The following GPR89A variants were observed in gnomAD, a reference collection of about 807,000 sequenced individuals.
GPR89A encodes golgi pH regulator A.
GPR89A carries 16 observed loss-of-function variants against 52.0 expected under a neutral mutation model. The observed-to-expected ratio is 0.31, with a 90% confidence interval of 0.21 to 0.47. The LOEUF is 0.47. GPR89A is among the 20% of genes least tolerant of loss of function. The pLI, the probability that GPR89A is intolerant of heterozygous loss-of-function variation, is 1.00. For missense variants in GPR89A, 135 were observed against 449.4 expected (o/e 0.30, Z 6.33); for synonymous variants, 55 against 150.9 (o/e 0.36, Z 4.66).
At chr1:145,635,678 T>G (rs1650185749) in intron 7 of GPR89A, among the ~76,000 whole-genome samples, 2 of 152,182 alleles carry the variant, frequency 1.3e-5, no homozygotes, top group Admixed American at 1.3e-4. Flanking sequence ...TATAAAGAAA[T>G]GAATATATAA....
At chr1:145,659,960 G>A (rs1475072363) in intron 10 of GPR89A, among the ~76,000 whole-genome samples, 1 of 151,362 alleles carries the variant, frequency 6.6e-6, no homozygotes, top group Non-Finnish European at 1.5e-5. Flanking sequence ...GCAGTGTTTT[G>A]TAGTTCTCCT....
chr1:145,640,984 A>G (rs1432479558), intron 7 of GPR89A, among the ~76,000 whole-genome samples: 2 of 151,664 alleles, frequency 1.3e-5, no homozygotes, highest in African/African-American at 4.9e-5. Flanking sequence ...CTATCAGAAT[A>G]GCTAAAATAA....
intron 2 of GPR89A, among the ~76,000 whole-genome samples, chr1:145,617,171 A>G (rs1184550989): frequency 8.5e-5 from 13 of 152,118 alleles, no homozygotes; most frequent in African/African-American, 2.9e-4. Flanking sequence ...GCGGCCATTC[A>G]TAGACCTCTC....
chr1:145,661,058 A>G lies in GPR89A; in HGVS notation c.910-2271A>G, dbSNP rs1166022612. On this transcript the variant is annotated intron_variant, in intron 10 of 13. Coordinates refer to ENST00000313835, the MANE Select transcript of GPR89A (RefSeq NM_001097612.2). Reference sequence around the variant, plus strand: ...ATAGCAAAGACTTGGAACCAACCCAAATGTCCAACAATGATAGACTGGATT... The same window carrying G: ...ATAGCAAAGACTTGGAACCAACCCAGATGTCCAACAATGATAGACTGGATT... Among the ~76,000 whole-genome samples, 7 of 151,768 alleles carry G rather than the reference A, an allele frequency of 4.6e-5. 1 individual carries two copies. The South Asian group carries it at 1.0e-3, about 23-fold the overall frequency.
rs1652918397 is a variant in GPR89A, at chr1:145,670,450, T to C, written c.*410T>C. On this transcript the variant is annotated 3_prime_UTR_variant, in exon 14 of 14. Coordinates refer to ENST00000313835, the MANE Select transcript of GPR89A (RefSeq NM_001097612.2). ...TTGCCTTGAGATTGACTCATTAAAA[T>C]CAGAGACTGTAACACTTTTGCCTTA... The C allele has an allele frequency of 3.2e-6, 1 of 314,836 alleles. No individual in the cohort carries two copies. The highest frequency in any genetic ancestry group is 4.8e-5 in the Admixed American group (1 of 21,040). 19.5% of individuals were successfully genotyped at this position (314,836 alleles called of 1,614,324 possible).
In GPR89A at chr1:145,633,775, C is replaced by T. The variant is rs587670498; in HGVS notation, c.617+2031C>T. On this transcript the variant is annotated intron_variant, in intron 7 of 13. Coordinates refer to ENST00000313835, the MANE Select transcript of GPR89A (RefSeq NM_001097612.2). The stretch of plus-strand genomic sequence containing the variant: ...TTTTTTCTATTTCTATGAAAAATGA[C>T]GTTGGAATTTTGATAGGAATTACAT... Among the ~76,000 whole-genome samples, 12 of 140,148 alleles carry T rather than the reference C, an allele frequency of 8.6e-5. 1 individual carries two copies. The highest frequency in any genetic ancestry group is 4.7e-4 in the South Asian group (2 of 4,276). The allele number at this position is 140,148 out of a possible 152,430, so 91.9% of individuals were successfully genotyped here.
intron 7 of GPR89A, 147 bp from the exon 8 acceptor site, chr1:145,643,722 G>C (rs1224872114): frequency 7.2e-6 from 1 of 139,096 alleles, no homozygotes; most frequent in African/African-American, 2.7e-5. Context: ...TCAGTTGTAA[G>C]TAGTAGAAAA....
Position 145,643,943 on chromosome 1 carries a change from TAA to T in GPR89A, c.696_697del (p.Ser233CysfsTer9), listed in dbSNP as rs782271108. 258 of 342,772 alleles carry T rather than the reference TAA, an allele frequency of 7.5e-4. No homozygotes were observed. The highest frequency in any genetic ancestry group is 1.2e-3 in the Non-Finnish European group (239 of 206,356). The allele number at this position is 342,772 out of a possible 1,614,324, so 21.2% of individuals were successfully genotyped here. Reference sequence around the variant, plus strand: ...AAACCATCAGGTTTCTGGGGAATGATAAAAAGTGTTACCACTTCAGCATCAGG... The same window carrying T: ...AAACCATCAGGTTTCTGGGGAATGATAAAGTGTTACCACTTCAGCATCAGG... On this transcript the variant is annotated frameshift_variant, in exon 8 of 14. Transcript: ENST00000313835. LOFTEE classifies it high-confidence loss of function.
At chr1:145,636,448 C>G (rs1249322832) in intron 7 of GPR89A, among the ~76,000 whole-genome samples, 1 of 149,114 alleles carries the variant, frequency 6.7e-6, no homozygotes, top group Non-Finnish European at 1.5e-5. Context: ...AGATGACATA[C>G]AAGAAAAGTA....
chr1:145,628,583 T>G (rs1553689322), intron 5 of GPR89A, among the ~76,000 whole-genome samples: 1 of 151,850 alleles, frequency 6.6e-6, no homozygotes, highest in East Asian at 1.9e-4. Context: ...CCTCCATTTC[T>G]TCATCTGTAA....
At chr1:145,645,839 T>C in intron 8 of GPR89A, 1 of 403,050 alleles carries the variant, frequency 2.5e-6, no homozygotes, top group Non-Finnish European at 4.7e-6. Flanking sequence ...AAAGCTATGC[T>C]TTATTATAGT....
intron 10 of GPR89A, among the ~76,000 whole-genome samples, chr1:145,661,867 G>A (rs1243005758): frequency 6.8e-6 from 1 of 146,558 alleles, no homozygotes; most frequent in East Asian, 2.0e-4. Context: ...AAATGCTTTC[G>A]AGTTTCCCTT....
At chr1:145,653,154 C>A (rs1484533625) in intron 10 of GPR89A, among the ~76,000 whole-genome samples, 1 of 150,738 alleles carries the variant, frequency 6.6e-6, no homozygotes, top group Non-Finnish European at 1.5e-5. Context: ...TAGCTGTGTC[C>A]CAGAGATTCT....
At chr1:145,659,374 A>T (rs587597266) in intron 10 of GPR89A, among the ~76,000 whole-genome samples, 7 of 151,846 alleles carry the variant, frequency 4.6e-5, no homozygotes, top group African/African-American at 1.7e-4. Flanking sequence ...TTTAGTAGAG[A>T]CAGGGTTTCA....
At chr1:145,615,256 CAG>C (rs782644924) in intron 1 of GPR89A, among the ~76,000 whole-genome samples, 25 of 152,306 alleles carry the variant, frequency 1.6e-4, no homozygotes, top group Middle Eastern at 3.4e-3. Context: ...CTGAAGGAAA[CAG>C]ATATAAAAAA....
chr1:145,613,510 C>T, intron 1 of GPR89A, among the ~76,000 whole-genome samples: 2 of 152,154 alleles, frequency 1.3e-5, no homozygotes, highest in Non-Finnish European at 2.9e-5. Context: ...CATGCCATTT[C>T]CCTGCTTAAA....
chr1:145,616,238 T>C lies in GPR89A; in HGVS notation c.47T>C (p.Leu16Pro). The C allele has an allele frequency of 1.2e-6, 2 of 1,610,278 alleles. No individual in the cohort carries two copies. Among genetic ancestry groups the C allele is most frequent in the Non-Finnish European group, 1.7e-6 (2 of 1,177,592 alleles). The change falls in exon 2 of 14, where the codon CTA becomes CCA. Residue 16 changes from leucine to proline, a missense_variant. Around this residue, in one of 10 missense-constraint regions of GPR89A, gnomAD observed 38 missense variants for 40.2 expected, o/e 0.95. Transcript: ENST00000313835. ...TCTATTTTCTTTCTCCTCCAGATACTATTTTTTGGATTTGGGTGGCTTTTC... is the reference window on the plus strand; with the variant it reads ...TCTATTTTCTTTCTCCTCCAGATACCATTTTTTGGATTTGGGTGGCTTTTC... ...DSSIMITSQI[L>P]FFGFGWLFFM... is the part of the protein sequence containing the mutation.
intron 11 of GPR89A, 115 bp downstream of exon 11, chr1:145,663,539 C>T (rs1194373791): frequency 8.2e-5 from 77 of 941,086 alleles, no homozygotes; most frequent in Non-Finnish European, 1.2e-4. Context: ...TTTTGTTCTT[C>T]CCACTCTGTA....
intron 1 of GPR89A, among the ~76,000 whole-genome samples, chr1:145,615,800 A>G (rs1214561673): frequency 6.6e-6 from 1 of 151,722 alleles, no homozygotes; most frequent in African/African-American, 2.4e-5. Context: ...TTGTATTTTC[A>G]GTAGAGACGG....
Sources: allele counts gnomAD v4.1 joint callset (sites outside exome capture counted in the v4.1 genomes callset), GRCh38; gene constraint gnomAD v4.1.1; regional missense constraint gnomAD v4.1.1; transcripts MANE v1.5; gene names NCBI Gene and HGNC (gene_info 2026-07-23, HGNC 2026-07-21).